The following ADAM12 variants were observed in gnomAD, a reference collection of about 807,000 sequenced individuals.
The protein encoded by ADAM12 is disintegrin and metalloproteinase domain-containing protein 12.
In ADAM12, 70 loss-of-function variants were observed where a neutral mutation model predicts 106.4. That is an observed-to-expected ratio of 0.66 (90% CI 0.54 to 0.80). The LOEUF (loss-of-function observed/expected upper bound fraction) is 0.80. Among genes scored for constraint, ADAM12 ranks in the 30% least tolerant of loss-of-function variants. The probability of loss-of-function intolerance (pLI) is 0.00; values close to 1 mark genes in which losing one functional copy is unlikely to be tolerated. For synonymous variants in ADAM12, 420 were observed against 433.5 expected (o/e 0.97, Z 0.39); for missense variants, 1,010 against 1,171.9 (o/e 0.86, Z 2.02).
chr10:126,102,945 C>T (rs890116864), intron 8 of ADAM12, among the ~76,000 whole-genome samples: 3 of 152,136 alleles, frequency 2.0e-5, no homozygotes, highest in Non-Finnish European at 2.9e-5. Context: ...GGAGGCGATC[C>T]AATGCTGATG....
At chr10:126,095,025 T>C (rs1350829580) in intron 10 of ADAM12, among the ~76,000 whole-genome samples, 1 of 152,192 alleles carries the variant, frequency 6.6e-6, no homozygotes, top group East Asian at 1.9e-4. Context: ...ACAGAAACAG[T>C]GCCTATATAC....
chr10:126,027,073 C>A (rs1953887423), intron 21 of ADAM12, among the ~76,000 whole-genome samples: 2 of 152,116 alleles, frequency 1.3e-5, no homozygotes, highest in Middle Eastern at 3.2e-3. Flanking sequence ...GGGATATCAC[C>A]ATTGATCCCA....
chr10:126,101,163 G>C lies in ADAM12; in HGVS notation c.820C>G (p.Gln274Glu), dbSNP rs1273904293. The C allele has an allele frequency of 3.1e-6, 5 of 1,614,134 alleles. No homozygotes were observed. Among genetic ancestry groups the C allele is most frequent in the Non-Finnish European group, 4.2e-6 (5 of 1,180,020 alleles). Residue 274 changes from glutamine to glutamate, a missense_variant, in exon 9 of 23, where the codon CAG becomes GAG. Coordinates refer to ENST00000448723, the MANE Select transcript of ADAM12 (RefSeq NM_001288973.2). Reference sequence around the variant, plus strand: ...TCATGGAGGCTGGTGAATGGGTCCTGACTTACAGAGCATTTGTCCATGTCA... The same window carrying C: ...TCATGGAGGCTGGTGAATGGGTCCTCACTTACAGAGCATTTGTCCATGTCA... ...WNDMDKCSVSQDPFTSLHEFL... is the reference protein window; with the variant it reads ...WNDMDKCSVSEDPFTSLHEFL...
intron 3 of ADAM12, among the ~76,000 whole-genome samples, chr10:126,167,545 T>C (rs979370988): frequency 6.6e-6 from 1 of 152,246 alleles, no homozygotes; most frequent in African/African-American, 2.4e-5. Flanking sequence ...GCCTCTAGTG[T>C]GGAGAATAAT....
intron 11 of ADAM12, among the ~76,000 whole-genome samples, chr10:126,077,465 G>A (rs907444402): frequency 2.6e-5 from 4 of 152,170 alleles, no homozygotes; most frequent in Non-Finnish European, 5.9e-5. Context: ...AACAAAGCCA[G>A]AGGTATCATA....
At position 126,388,054 on chromosome 10, in the gene ADAM12, T is replaced by C. The variant is rs763370328; in HGVS notation, c.88+4A>G. ...CAGCGAGCCGCCCTAGTTCGGCGAC[T>C]TACCTCGGGCCTCGCAGGGCGCGAG... On this transcript the variant is annotated splice_donor_region_variant and intron_variant, in intron 1 of 22. Transcript: ENST00000448723. This position sits in a 1 kb window ranked among gnomAD's most constrained non-coding sequence, Gnocchi z 4.4. 137 of 1,219,500 alleles carry C rather than the reference T, an allele frequency of 1.1e-4. No individual in the cohort carries two copies. The highest frequency in any genetic ancestry group is 1.3e-4 in the Non-Finnish European group (126 of 979,012). The allele number at this position is 1,219,500 out of a possible 1,614,324, so 75.5% of individuals were successfully genotyped here. A position where few individuals can be genotyped will look rare whatever the true frequency, so the allele number is the denominator to read the frequency against.
intron 11 of ADAM12, among the ~76,000 whole-genome samples, chr10:126,083,651 G>C (rs1380129955): frequency 6.6e-6 from 1 of 152,228 alleles, no homozygotes; most frequent in Admixed American, 6.5e-5. Context: ...GGTGATACCT[G>C]GGCCAGATCG....
At chr10:126,298,199 C>A (rs554680808) in intron 2 of ADAM12, among the ~76,000 whole-genome samples, 2 of 151,430 alleles carry the variant, frequency 1.3e-5, no homozygotes, top group Non-Finnish European at 2.9e-5. Context: ...AAGTGAACAC[C>A]GAGAAGATAA....
intron 2 of ADAM12, among the ~76,000 whole-genome samples, chr10:126,315,893 G>A (rs1295207192): frequency 2.0e-5 from 3 of 152,214 alleles, no homozygotes; most frequent in South Asian, 4.1e-4. Flanking sequence ...CTGGCTGACC[G>A]ACAGCTCCCA....
intron 6 of ADAM12, among the ~76,000 whole-genome samples, chr10:126,111,117 A>G (rs1404558505): frequency 6.6e-6 from 1 of 152,234 alleles, no homozygotes; most frequent in Non-Finnish European, 1.5e-5. Flanking sequence ...TGTTTGTATT[A>G]TAGCAGTGTT....
At chr10:126,169,866 C>T (rs1957088110) in intron 3 of ADAM12, among the ~76,000 whole-genome samples, 1 of 152,208 alleles carries the variant, frequency 6.6e-6, no homozygotes, top group African/African-American at 2.4e-5. Flanking sequence ...AATAAAATGA[C>T]CTGGTGTATG....
intron 4 of ADAM12, among the ~76,000 whole-genome samples, chr10:126,146,615 C>CA (rs1271621851): frequency 1.3e-5 from 2 of 152,146 alleles, no homozygotes; most frequent in Non-Finnish European, 2.9e-5. Context: ...ATCAATATTG[C>CA]ACAAAGCTTT....
At chr10:126,143,182 A>G (rs573807304) in intron 4 of ADAM12, among the ~76,000 whole-genome samples, 1 of 148,418 alleles carries the variant, frequency 6.7e-6, no homozygotes, top group Non-Finnish European at 1.5e-5. Flanking sequence ...ATGTGTGTAT[A>G]TGGTATCTGT....
At chr10:126,090,096 G>GC (rs751276500) in intron 11 of ADAM12, among the ~76,000 whole-genome samples, 2 of 151,984 alleles carry the variant, frequency 1.3e-5, no homozygotes, top group Non-Finnish European at 2.9e-5. Context: ...GGCCCAAACT[G>GC]CAAGTTTTAA....
chr10:126,259,325 A>G (rs1032414615), intron 3 of ADAM12, among the ~76,000 whole-genome samples: 2 of 152,168 alleles, frequency 1.3e-5, no homozygotes, highest in African/African-American at 4.8e-5. Context: ...AACCCTTCTT[A>G]AAAAAGCTTC....
intron 3 of ADAM12, among the ~76,000 whole-genome samples, chr10:126,164,153 G>GA (rs953070729): frequency 6.6e-6 from 1 of 152,138 alleles, no homozygotes; most frequent in African/African-American, 2.4e-5. Flanking sequence ...CTTAGAATAT[G>GA]AAAAAACTCA....
At position 126,066,892 on chromosome 10, in the gene ADAM12, A is replaced by G; in HGVS notation, c.1324-86T>C. 7.6e-7 allele frequency: 1 copy of G among 1,321,868 alleles called. No individual in the cohort carries two copies. Among genetic ancestry groups the G allele is most frequent in the Admixed American group, 1.9e-5 (1 of 52,398 alleles). 81.9% of individuals were successfully genotyped at this position (1,321,868 alleles called of 1,614,324 possible). On this transcript the variant is annotated intron_variant, in intron 12 of 22. Coordinates refer to ENST00000448723, the MANE Select transcript of ADAM12 (RefSeq NM_001288973.2). The surrounding 1 kb of genome is among the most constrained non-coding windows in gnomAD (Gnocchi z 5.1). ...AAACATCACACCTTAAATGGCTGCA[A>G]AAAGCAAGAAAGACCAAGAGGGCCC...
chr10:126,091,894 T>C (rs542828113), intron 11 of ADAM12, among the ~76,000 whole-genome samples: 2 of 149,980 alleles, frequency 1.3e-5, no homozygotes, highest in African/African-American at 5.0e-5. Context: ...TGTGAACAAG[T>C]GGGTGGAGAG....
intron 3 of ADAM12, among the ~76,000 whole-genome samples, chr10:126,220,107 GC>G (rs1175622949): frequency 1.3e-5 from 2 of 152,208 alleles, no homozygotes; most frequent in Admixed American, 6.5e-5. Context: ...GATGACACAT[GC>G]CCACAGGGCC....
Sources: allele counts gnomAD v4.1 joint callset (sites outside exome capture counted in the v4.1 genomes callset), GRCh38; gene constraint gnomAD v4.1.1; non-coding constraint Gnocchi (gnomAD v3.1); transcripts MANE v1.5; gene names NCBI Gene and HGNC (gene_info 2026-07-23, HGNC 2026-07-21).